TLN2: variants seen among roughly 807,000 people sequenced by gnomAD.
The protein encoded by TLN2 is talin 2, also known as talin-2.
TLN2 carries 118 observed loss-of-function variants against 294.7 expected under a neutral mutation model. The observed-to-expected ratio is 0.40, with a 90% CI of 0.34 to 0.47. The LOEUF (loss-of-function observed/expected upper bound fraction) is 0.47, where lower values mean the gene tolerates loss of function less well. Among genes scored for constraint, TLN2 ranks in the 20% least tolerant of loss-of-function variants. The pLI is 0.84. For synonymous variants in TLN2, 1,431 were observed against 1,304.5 expected, an observed-to-expected ratio of 1.10 and a Z score of -2.09; for missense variants, 3,083 against 3,282.2, an observed-to-expected ratio of 0.94 and a Z score of 1.48.
intron 1 of TLN2, among the ~76,000 whole-genome samples, chr15:62,490,031 T>C (rs2038622688): frequency 6.6e-6 from 1 of 152,216 alleles, no homozygotes; most frequent in Admixed American, 6.5e-5. Flanking sequence ...TGTGAAGGCA[T>C]TGCATTCGGG....
intron 36 of TLN2, 82 bp from the exon 37 acceptor site, chr15:62,755,450 C>T: frequency 1.3e-6 from 2 of 1,490,644 alleles, no homozygotes; most frequent in African/African-American, 2.8e-5. Flanking sequence ...GTGAGTTGAA[C>T]AGGAACCCAG....
chr15:62,792,596 A>T (rs2065150495), intron 45 of TLN2, 45 bp from the exon 46 acceptor site: 1 of 1,592,794 alleles, frequency 6.3e-7, no homozygotes, highest in Non-Finnish European at 8.6e-7. Flanking sequence ...TCGATGGCAG[A>T]GTCCATCACG....
At chr15:62,598,429 G>A (rs147886727) in intron 2 of TLN2, among the ~76,000 whole-genome samples, 97 of 152,186 alleles carry the variant, frequency 6.4e-4, no homozygotes, top group Non-Finnish European at 1.1e-3. Flanking sequence ...TCCTTGTCGT[G>A]GGTGTGCCTT....
At chr15:62,740,845 T>G in intron 32 of TLN2, 76 bp downstream of exon 32, 2 of 1,584,140 alleles carry the variant, frequency 1.3e-6, no homozygotes, top group Non-Finnish European at 1.7e-6. Flanking sequence ...CCTGACATCC[T>G]CCCACTTTTG....
At chr15:62,717,879 G>A (rs1405404881) in intron 24 of TLN2, among the ~76,000 whole-genome samples, 190 bp downstream of exon 24, 2 of 152,208 alleles carry the variant, frequency 1.3e-5, no homozygotes, top group African/African-American at 2.4e-5. Flanking sequence ...TGTTTGGAAA[G>A]TGTGATTTTC....
chr15:62,801,284 C>T (rs549357830), intron 50 of TLN2, among the ~76,000 whole-genome samples: 25 of 152,262 alleles, frequency 1.6e-4, no homozygotes, highest in African/African-American at 5.8e-4. Context: ...AGAAATTGAC[C>T]CTGTTCTTTT....
At chr15:62,394,458 C>T (rs2032365166) in intron 1 of TLN2, among the ~76,000 whole-genome samples, 1 of 152,206 alleles carries the variant, frequency 6.6e-6, no homozygotes. Context: ...TACAGCTTAA[C>T]ATACCCACTG....
chr15:62,522,333 G>C (rs1269589852), intron 1 of TLN2, among the ~76,000 whole-genome samples: 5 of 152,012 alleles, frequency 3.3e-5, no homozygotes, highest in Non-Finnish European at 7.3e-5. Flanking sequence ...AAAAACACTG[G>C]GGGTGGTTTG....
chr15:62,774,046 CT>C (rs1241855632), intron 42 of TLN2, among the ~76,000 whole-genome samples: 1 of 152,152 alleles, frequency 6.6e-6, no homozygotes, highest in African/African-American at 2.4e-5. Context: ...CTGCGGCATC[CT>C]TGATGGGCCA....
intron 14 of TLN2, among the ~76,000 whole-genome samples, chr15:62,697,146 T>A (rs950290862): frequency 6.6e-6 from 1 of 152,242 alleles, no homozygotes; most frequent in African/African-American, 2.4e-5. Flanking sequence ...CTCACTCTTT[T>A]GCCCAGGCTG....
At chr15:62,503,242 TACTC>T (rs1448499247) in intron 1 of TLN2, among the ~76,000 whole-genome samples, 1 of 152,224 alleles carries the variant, frequency 6.6e-6, no homozygotes, top group Non-Finnish European at 1.5e-5. Context: ...AAAAGTCACT[TACTC>T]AGTGAAACCA....
intron 1 of TLN2, among the ~76,000 whole-genome samples, chr15:62,524,245 A>G (rs1596010905): frequency 6.6e-6 from 1 of 152,210 alleles, no homozygotes; most frequent in East Asian, 1.9e-4. Flanking sequence ...CTTACTGTTC[A>G]TGTTTAGTTT....
intron 1 of TLN2, among the ~76,000 whole-genome samples, chr15:62,395,458 G>A (rs574428250): frequency 6.6e-6 from 1 of 151,980 alleles, no homozygotes; most frequent in Non-Finnish European, 1.5e-5. Context: ...CTCTCTGCTC[G>A]ATGGGGCAGG....
intron 1 of TLN2, among the ~76,000 whole-genome samples, chr15:62,565,530 G>A (rs762451221): frequency 1.3e-5 from 2 of 152,152 alleles, no homozygotes; most frequent in Non-Finnish European, 2.9e-5. Context: ...TGCTTAAGGG[G>A]CACTGCCTGG....
chr15:62,441,113 A>T lies in TLN2; in HGVS notation c.-238+50428A>T, dbSNP rs145973607. On this transcript the variant is annotated intron_variant, in intron 1 of 58. Coordinates refer to ENST00000636159, the MANE Select transcript of TLN2 (RefSeq NM_015059.3). Reference sequence around the variant, plus strand: ...ATCCATCGAACTAATGATGGGTCAGATGTGGGTAAGTGTAACGTGGTTCCA... The same window carrying T: ...ATCCATCGAACTAATGATGGGTCAGTTGTGGGTAAGTGTAACGTGGTTCCA... 2.6e-3 allele frequency among the ~76,000 whole-genome samples: 402 copies of T among 152,232 alleles called. 1 individual carries two copies. Among genetic ancestry groups the T allele is most frequent in the Non-Finnish European group, 4.3e-3 (295 of 68,020 alleles).
rs2061277386 is a variant in TLN2 at position 62,740,714 on chromosome 15, C to G, written c.3970C>G (p.Leu1324Val). 3.1e-6 allele frequency: 5 copies of G among 1,614,118 alleles called. No homozygotes were observed. Among genetic ancestry groups the G allele is most frequent in the Admixed American group, 3.3e-5 (2 of 60,006 alleles). ...SSKLLLAAKSLSVDPGAPNAK... is the reference protein window; with the variant it reads ...SSKLLLAAKSVSVDPGAPNAK... ...CAAGCTGCTGTTAGCTGCCAAGTCT[C>G]TCTCTGTAGATCCAGGAGCTCCCAA... The change falls in exon 32 of 59, where the codon CTC (leucine) becomes GTC (valine). Residue 1324 changes from leucine to valine, a missense_variant. Transcript: ENST00000636159.
chr15:62,638,827 G>C (rs1380181065), intron 3 of TLN2, among the ~76,000 whole-genome samples: 1 of 152,078 alleles, frequency 6.6e-6, no homozygotes, highest in East Asian at 1.9e-4. Flanking sequence ...GGAGCTTCCA[G>C]TTATTTCTGA....
intron 7 of TLN2, 73 bp downstream of exon 7, chr15:62,653,387 T>G (rs1159524606): frequency 6.6e-7 from 1 of 1,522,508 alleles, no homozygotes; most frequent in Non-Finnish European, 8.8e-7. Flanking sequence ...CCACCATCCA[T>G]ATGACCCAGG....
At chr15:62,834,410 A>G (rs2069238108) in intron 55 of TLN2, 1 of 152,152 alleles carries the variant, frequency 6.6e-6, no homozygotes, top group Admixed American at 6.5e-5. Flanking sequence ...TCTGTTTGAT[A>G]TTAAAAGGAC....
Sources: gnomAD v4.1 joint callset for allele counts (sites outside exome capture counted in the v4.1 genomes callset) on GRCh38, gnomAD v4.1.1 for gene constraint, MANE v1.5 for transcripts, NCBI Gene and HGNC (gene_info 2026-07-23, HGNC 2026-07-21) for gene names.